RIN2: variants seen among roughly 807,000 people sequenced by gnomAD.
The protein encoded by RIN2 is RAB5 interacting protein 2.
RIN2 carries 36 observed loss-of-function variants against 78.0 expected under a neutral mutation model. That is an observed-to-expected ratio of 0.46 (90% CI 0.35 to 0.61). The LOEUF is 0.61. Ranked by LOEUF, RIN2 falls within the 20% of genes least tolerant of loss-of-function variation. RIN2 has a pLI of 0.00. For synonymous variants in RIN2, 466 were observed against 466.8 expected, an observed-to-expected ratio of 1.00 and a Z score of 0.02; for missense variants, 1,087 against 1,159.7, an observed-to-expected ratio of 0.94 and a Z score of 0.91.
intron 3 of RIN2, among the ~76,000 whole-genome samples, chr20:19,926,676 A>G (rs1005435364): frequency 1.5e-4 from 23 of 152,262 alleles, no homozygotes; most frequent in Non-Finnish European, 2.9e-4. Context: ...ACCACACCTC[A>G]AGGCCAAGTT....
intron 1 of RIN2, among the ~76,000 whole-genome samples, chr20:19,784,648 A>G (rs2034615325): frequency 6.6e-6 from 1 of 152,176 alleles, no homozygotes; most frequent in African/African-American, 2.4e-5. Flanking sequence ...TACAGACTTC[A>G]AATTTCCTGT....
At chr20:19,853,317 A>G (rs1182933883) in intron 2 of RIN2, among the ~76,000 whole-genome samples, 4 of 151,982 alleles carry the variant, frequency 2.6e-5, no homozygotes, top group Non-Finnish European at 4.4e-5. Context: ...AGTCTTTGCT[A>G]TTGTGAATAA....
Position 19,866,011 on chromosome 20 carries a change from C to A in RIN2, c.-36-23555C>A, listed in dbSNP as rs1399065895. ...ATTACATTTATTGTGTACTTTATTT[C>A]TATTATTATTACATTGTAATATATA... is the stretch of plus-strand genomic sequence containing the variant. On this transcript the variant is annotated intron_variant, in intron 2 of 12. Coordinates refer to ENST00000255006, the MANE Select transcript of RIN2 (RefSeq NM_018993.4). Among the ~76,000 whole-genome samples the A allele has an allele frequency of 3.3e-5, 5 of 151,910 alleles. No homozygotes were observed. In the East Asian group the frequency reaches 9.6e-4, roughly 29 times the overall value.
chr20:19,885,350 G>A (rs1314485876), intron 2 of RIN2, among the ~76,000 whole-genome samples: 3 of 152,206 alleles, frequency 2.0e-5, no homozygotes, highest in Non-Finnish European at 4.4e-5. Context: ...GGTGACTGTA[G>A]TTAATACCAA....
chr20:19,878,254 G>A (rs180716770), intron 2 of RIN2, among the ~76,000 whole-genome samples: 108 of 152,174 alleles, frequency 7.1e-4, no homozygotes, highest in Non-Finnish European at 1.2e-4. Flanking sequence ...ATCTCTTCCC[G>A]CGTGGCCCAA....
rs1208682792 is a variant in RIN2 at position 19,970,930 on chromosome 20, G to A, written c.628+1G>A. On this transcript the variant is annotated splice_donor_variant, in intron 8 of 12. Transcript: ENST00000255006. LOFTEE classifies it high-confidence loss of function. ...GAAGAACTGGCCCAGATGGGACTAA[G>A]TAAGTGTGTGCCCCCTGCCTGAGTC... The A allele has an allele frequency of 1.2e-6, 2 of 1,609,534 alleles. No homozygotes were observed. The highest frequency in any genetic ancestry group is 1.7e-6 in the Non-Finnish European group (2 of 1,177,228).
At chr20:19,857,758 G>T (rs1255010173) in intron 2 of RIN2, among the ~76,000 whole-genome samples, 1 of 152,060 alleles carries the variant, frequency 6.6e-6, no homozygotes, top group African/African-American at 2.4e-5. Flanking sequence ...GACTGAGGTG[G>T]GAAGATTGCT....
Position 19,996,793 on chromosome 20 carries a change from ACAAACGGAGAACCACCAACC to A in RIN2, c.2316_2335del (p.His772GlnfsTer38). The A allele has an allele frequency of 6.2e-7, 1 of 1,610,030 alleles. No individual in the cohort carries two copies. The highest frequency in any genetic ancestry group is 8.5e-7 in the Non-Finnish European group (1 of 1,178,018). On this transcript the variant is annotated frameshift_variant, in exon 12 of 13. Coordinates refer to ENST00000255006, the MANE Select transcript of RIN2 (RefSeq NM_018993.4). LOFTEE classifies it high-confidence loss of function. ...ACCAGAGACACCCTGAGGCAGTGGC[ACAAACGGAGAACCACCAACC>A]GGACCATCCCCTCTGTGGACGACTT... is the stretch of plus-strand genomic sequence containing the variant.
At chr20:19,929,817 A>G (rs188832880) in intron 3 of RIN2, among the ~76,000 whole-genome samples, 5 of 152,360 alleles carry the variant, frequency 3.3e-5, no homozygotes, top group Non-Finnish European at 4.4e-5. Context: ...TTAGAAACAA[A>G]CAAATAAATC....
At chr20:19,954,388 G>C (rs2041448741) in intron 4 of RIN2, among the ~76,000 whole-genome samples, 1 of 152,192 alleles carries the variant, frequency 6.6e-6, no homozygotes, top group South Asian at 2.1e-4. Context: ...GTCAGGTCTG[G>C]TGTCCCTTGG....
At chr20:19,941,223 A>G (rs969611287) in intron 4 of RIN2, among the ~76,000 whole-genome samples, 6 of 152,274 alleles carry the variant, frequency 3.9e-5, no homozygotes, top group Middle Eastern at 3.4e-3. Context: ...CCCAGTGGCT[A>G]TGTGACAGCA....
At chr20:19,759,924 C>A (rs9647032) in intron 1 of RIN2, among the ~76,000 whole-genome samples, 51,031 of 152,030 alleles carry the variant, frequency 0.34, 10,840 homozygotes, top group Non-Finnish European at 0.44. Flanking sequence ...CCCTCCCCCA[C>A]CTCCCCATTT....
chr20:19,984,372 T>C (rs959033913), intron 9 of RIN2, among the ~76,000 whole-genome samples: 1 of 152,174 alleles, frequency 6.6e-6, no homozygotes, highest in African/African-American at 2.4e-5. Context: ...CTGGACAGCA[T>C]GTGACATACT....
At position 19,846,513 on chromosome 20, in the gene RIN2, T is replaced by C. The variant is rs111729847; in HGVS notation, c.-36-43053T>C. 4.1e-3 allele frequency among the ~76,000 whole-genome samples: 627 copies of C among 152,310 alleles called. 3 individuals are homozygous for C. The highest frequency in any genetic ancestry group is 0.014 in the African/African-American group (601 of 41,568). On this transcript the variant is annotated intron_variant, in intron 2 of 12. Transcript: ENST00000255006. The stretch of plus-strand genomic sequence containing the variant: ...ATTGTGAATGGGAGTTCACTCATGA[T>C]TTGGCTCTCTATTATTGGTGTATAG...
chr20:19,927,197 G>A (rs1387062177), intron 3 of RIN2, among the ~76,000 whole-genome samples: 1 of 152,192 alleles, frequency 6.6e-6, no homozygotes, highest in African/African-American at 2.4e-5. Context: ...GTGTCTTTTA[G>A]TATCAGCTCT....
intron 12 of RIN2, among the ~76,000 whole-genome samples, chr20:20,000,136 C>A (rs2043097588): frequency 6.6e-6 from 1 of 152,148 alleles, no homozygotes; most frequent in South Asian, 2.1e-4. Context: ...ATGAGTCCAG[C>A]CTGGAGAATA....
chr20:19,846,274 G>T (rs1276891927), intron 2 of RIN2, among the ~76,000 whole-genome samples: 1 of 152,134 alleles, frequency 6.6e-6, no homozygotes, highest in Non-Finnish European at 1.5e-5. Context: ...GAAAGTCAAT[G>T]GTAGCTTGAT....
At chr20:19,829,035 T>G (rs1021714472) in intron 2 of RIN2, among the ~76,000 whole-genome samples, 1 of 152,188 alleles carries the variant, frequency 6.6e-6, no homozygotes, top group African/African-American at 2.4e-5. Context: ...TCAGCAAACA[T>G]GCAGATTACC....
chr20:19,872,116 T>G (rs949435421), intron 2 of RIN2: 1 of 152,218 alleles, frequency 6.6e-6, no homozygotes. Flanking sequence ...GCTCACGAGA[T>G]CTGATGGTTT....
Sources: allele counts gnomAD v4.1 joint callset (sites outside exome capture counted in the v4.1 genomes callset), GRCh38; gene constraint gnomAD v4.1.1; transcripts MANE v1.5; gene names NCBI Gene and HGNC (gene_info 2026-07-23, HGNC 2026-07-21).